Variants in VSNL1 observed in about 807,000 individuals in gnomAD.
VSNL1 encodes visinin-like protein 1.
In VSNL1, 6 loss-of-function variants were observed where a neutral mutation model predicts 20.4. The observed-to-expected ratio is 0.29, with a 90% CI of 0.16 to 0.58. The LOEUF (loss-of-function observed/expected upper bound fraction) is 0.58. Among genes scored for constraint, VSNL1 ranks in the 20% least tolerant of loss-of-function variants. VSNL1 has a pLI of 0.90. For synonymous variants in VSNL1, 93 were observed against 86.4 expected (o/e 1.08, Z -0.42); for missense variants, 100 against 234.5 (o/e 0.43, Z 3.75).
chr2:17,554,380 A>G (rs1380299482), intron 1 of VSNL1, among the ~76,000 whole-genome samples: 3 of 152,126 alleles, frequency 2.0e-5, no homozygotes, highest in Non-Finnish European at 4.4e-5. Context: ...ATTTATTTGA[A>G]TTTGTTTCTA....
chr2:17,620,454 G>A (rs145952905), intron 2 of VSNL1, among the ~76,000 whole-genome samples: 1 of 152,308 alleles, frequency 6.6e-6, no homozygotes, highest in Non-Finnish European at 1.5e-5. Context: ...CAGGGGCCCC[G>A]CCTCCTCATT....
intron 1 of VSNL1, among the ~76,000 whole-genome samples, chr2:17,556,360 C>T (rs545924407): frequency 5.7e-4 from 86 of 152,192 alleles, no homozygotes; most frequent in African/African-American, 2.0e-3. Context: ...ATTAAATATG[C>T]CAGTTCATCA....
In VSNL1 at chr2:17,587,396, T is replaced by C. The variant is rs6745070; in HGVS notation, c.-5-4674T>C. Among the ~76,000 whole-genome samples the C allele has an allele frequency of 8.0e-4, 106 of 132,828 alleles. 1 individual carries two copies. The highest frequency in any genetic ancestry group is 1.2e-3 in the African/African-American group (38 of 31,506). 87.1% of individuals were successfully genotyped at this position (132,828 alleles called of 152,430 possible). A position where few individuals can be genotyped will look rare whatever the true frequency, so the allele number is the denominator to read the frequency against. The stretch of plus-strand genomic sequence containing the variant: ...ACACACACACACACACACACACACA[T>C]ATATTTTGTTTCAATCCTCTTTAAT... On this transcript the variant is annotated intron_variant, in intron 1 of 3. Transcript: ENST00000295156.
At chr2:17,579,286 T>G (rs1030257044) in intron 1 of VSNL1, among the ~76,000 whole-genome samples, 2 of 152,048 alleles carry the variant, frequency 1.3e-5, no homozygotes, top group African/African-American at 4.8e-5. Context: ...CGGCTAATTT[T>G]TTGTGTTTTT....
chr2:17,557,984 C>T (rs568045219), intron 1 of VSNL1, among the ~76,000 whole-genome samples: 2 of 152,266 alleles, frequency 1.3e-5, no homozygotes, highest in Admixed American at 1.3e-4. Context: ...GCAGAGGGTG[C>T]TGCAGGAGCA....
intron 2 of VSNL1, among the ~76,000 whole-genome samples, chr2:17,644,783 C>G (rs887381694): frequency 3.9e-5 from 6 of 152,214 alleles, no homozygotes; most frequent in Non-Finnish European, 8.8e-5. Context: ...GTCTCAGTAG[C>G]AGGGCCTGAA....
intron 2 of VSNL1, among the ~76,000 whole-genome samples, chr2:17,624,871 T>C (rs1665471621): frequency 6.6e-6 from 1 of 152,216 alleles, no homozygotes; most frequent in African/African-American, 2.4e-5. Flanking sequence ...ACAGGTAATA[T>C]TCAAATAATT....
intron 2 of VSNL1, among the ~76,000 whole-genome samples, chr2:17,637,097 G>T (rs1161431151): frequency 6.6e-6 from 1 of 152,120 alleles, no homozygotes; most frequent in Non-Finnish European, 1.5e-5. Flanking sequence ...GTTCCTTCCG[G>T]CCCCTCTTGC....
chr2:17,619,558 T>C (rs745740247), intron 2 of VSNL1, among the ~76,000 whole-genome samples: 11 of 152,150 alleles, frequency 7.2e-5, no homozygotes, highest in Non-Finnish European at 1.6e-4. Context: ...GGTGCTTTGG[T>C]GGAAAGTTTG....
intron 2 of VSNL1, among the ~76,000 whole-genome samples, chr2:17,595,689 G>T (rs536872231): frequency 2.3e-4 from 35 of 151,660 alleles, no homozygotes; most frequent in African/African-American, 8.4e-4. Flanking sequence ...GTTAAATGAG[G>T]TCATGAGAGT....
At chr2:17,594,581 G>C (rs549262400) in intron 2 of VSNL1, among the ~76,000 whole-genome samples, 1 of 152,312 alleles carries the variant, frequency 6.6e-6, no homozygotes, top group South Asian at 2.1e-4. Flanking sequence ...CTGGTGAATG[G>C]GCACATTCAG....
At chr2:17,581,421 AC>A (rs1664346166) in intron 1 of VSNL1, among the ~76,000 whole-genome samples, 1 of 152,212 alleles carries the variant, frequency 6.6e-6, no homozygotes, top group East Asian at 1.9e-4. Context: ...ATACATTATC[AC>A]TTTTAATGGC....
At chr2:17,597,003 A>AT (rs1170874214) in intron 2 of VSNL1, among the ~76,000 whole-genome samples, 1 of 152,234 alleles carries the variant, frequency 6.6e-6, no homozygotes, top group Non-Finnish European at 1.5e-5. Flanking sequence ...AATAAGTTTC[A>AT]TTTCACAGGC....
chr2:17,544,565 G>A (rs147298125), intron 1 of VSNL1, among the ~76,000 whole-genome samples: 64 of 152,296 alleles, frequency 4.2e-4, no homozygotes, highest in African/African-American at 1.4e-3. Flanking sequence ...GTTGCATGTA[G>A]TTATGAATTC....
intron 3 of VSNL1, among the ~76,000 whole-genome samples, chr2:17,651,647 A>C (rs779447397): frequency 6.6e-6 from 1 of 152,252 alleles, no homozygotes; most frequent in Non-Finnish European, 1.5e-5. Context: ...AGCTCCCGGC[A>C]GCACCAAGGC....
intron 1 of VSNL1, among the ~76,000 whole-genome samples, chr2:17,588,752 A>T (rs1664532427): frequency 6.6e-6 from 1 of 152,216 alleles, no homozygotes; most frequent in African/African-American, 2.4e-5. Context: ...AATATTTTCC[A>T]TGCAGTTAAA....
At chr2:17,578,002 T>C (rs16983654) in intron 1 of VSNL1, among the ~76,000 whole-genome samples, 5,027 of 152,230 alleles carry the variant, frequency 0.033, 88 homozygotes, top group East Asian at 0.097. Flanking sequence ...CATAAAACGG[T>C]TGTAAAGAAG....
chr2:17,613,851 G>A (rs1665149296), intron 2 of VSNL1, among the ~76,000 whole-genome samples: 1 of 152,234 alleles, frequency 6.6e-6, no homozygotes, highest in Non-Finnish European at 1.5e-5. Context: ...ATGGTTGCAT[G>A]TAGGGAGATC....
chr2:17,586,666 AC>A (rs34189158), intron 1 of VSNL1, among the ~76,000 whole-genome samples: 36,881 of 152,166 alleles, frequency 0.24, 5,820 homozygotes, highest in Middle Eastern at 0.49. Flanking sequence ...GAAGATTCTT[AC>A]AAACATCTGC....
Sources: allele counts gnomAD v4.1 joint callset (sites outside exome capture counted in the v4.1 genomes callset), GRCh38; gene constraint gnomAD v4.1.1; transcripts MANE v1.5; gene names NCBI Gene and HGNC (gene_info 2026-07-23, HGNC 2026-07-21).